Variants in GCSAML observed in about 807,000 individuals in gnomAD.
The protein encoded by GCSAML is germinal center associated signaling and motility like.
GCSAML carries 9 observed loss-of-function variants against 13.0 expected under a neutral mutation model. The observed-to-expected ratio is 0.69, with a 90% confidence interval of 0.42 to 1.21. GCSAML has a LOEUF of 1.21. GCSAML is among the 50% of genes most tolerant of loss of function. GCSAML has a pLI of 0.00. For missense variants in GCSAML, 143 were observed against 153.4 expected (o/e 0.93, Z 0.36); for synonymous variants, 37 against 52.9 (o/e 0.70, Z 1.31).
At chr1:247,521,343 ACG>A (rs1491175993) in intron 1 of GCSAML, among the ~76,000 whole-genome samples, 4 of 133,556 alleles carry the variant, frequency 3.0e-5, no homozygotes, top group African/African-American at 1.1e-4. Flanking sequence ...CTCCCTCTCC[ACG>A]GTCTCCCTCT....
At chr1:247,555,566 G>T (rs1305226397) in intron 1 of GCSAML, among the ~76,000 whole-genome samples, 1 of 152,160 alleles carries the variant, frequency 6.6e-6, no homozygotes, top group African/African-American at 2.4e-5. Flanking sequence ...TCTATTCAGG[G>T]AAGGCACTTT....
intron 1 of GCSAML, among the ~76,000 whole-genome samples, chr1:247,509,079 T>C (rs577106434): frequency 2.0e-5 from 3 of 152,274 alleles, no homozygotes; most frequent in South Asian, 2.1e-4. Flanking sequence ...ATTGAATTCT[T>C]TTATAAATTA....
rs767969538 is a variant in GCSAML, at chr1:247,531,605, G to A, written c.-148+4551G>A. On this transcript the variant is annotated intron_variant, in intron 2 of 5. Transcript: ENST00000366489. ...CAGCAGTTCTCTAATACCATGTGCC[G>A]GAGGGCGCTCTTCACCTCCGTGTTC... is the stretch of plus-strand genomic sequence containing the variant. 48 of 1,614,046 alleles carry A rather than the reference G, an allele frequency of 3.0e-5. No individual in the cohort carries two copies. The highest frequency in any genetic ancestry group is 1.6e-4 in the Middle Eastern group (1 of 6,084).
At chr1:247,565,773 A>C (rs1668326352) in intron 3 of GCSAML, 158 bp from the exon 4 acceptor site, 2 of 603,594 alleles carry the variant, frequency 3.3e-6, no homozygotes, top group Middle Eastern at 2.6e-4. Flanking sequence ...TTCAGTTATA[A>C]GATGGGGCAA....
At chr1:247,550,232 G>A (rs1180323922) in intron 1 of GCSAML, among the ~76,000 whole-genome samples, 1 of 152,206 alleles carries the variant, frequency 6.6e-6, no homozygotes, top group Non-Finnish European at 1.5e-5. Context: ...TGAGGCAGCA[G>A]ATTGGCTTCC....
intron 1 of GCSAML, among the ~76,000 whole-genome samples, chr1:247,517,071 G>T (rs113509531): frequency 4.6e-4 from 70 of 152,154 alleles, no homozygotes; most frequent in Non-Finnish European, 9.0e-4. Context: ...AGGCACAAAA[G>T]AACATTCCTT....
At chr1:247,532,741 G>T in intron 2 of GCSAML, 1 of 549,550 alleles carries the variant, frequency 1.8e-6, no homozygotes, top group South Asian at 2.2e-5. Flanking sequence ...GAGAATACAG[G>T]CACGTACTAC....
intron 1 of GCSAML, among the ~76,000 whole-genome samples, chr1:247,508,799 T>C (rs1156692344): frequency 6.6e-6 from 1 of 152,230 alleles, no homozygotes; most frequent in Non-Finnish European, 1.5e-5. Flanking sequence ...TTGTCAGGTT[T>C]GTCAAAGAAC....
chr1:247,540,839 C>T (rs985691977), intron 2 of GCSAML, among the ~76,000 whole-genome samples: 1 of 152,206 alleles, frequency 6.6e-6, no homozygotes, highest in Non-Finnish European at 1.5e-5. Context: ...CACTCCACTA[C>T]CAAATATTTG....
rs190194354 is a variant in GCSAML, at chr1:247,539,529, A to G, written c.-147-9516A>G. On this transcript the variant is annotated intron_variant, in intron 2 of 5. Coordinates refer to the GCSAML transcript ENST00000366489. ...GGTGGCAGTTTTATTTTTTTTTATT[A>G]TATATTGCTTAGCTACGTGACCTTT... Among the ~76,000 whole-genome samples the G allele has an allele frequency of 1.7e-4, 26 of 152,124 alleles. No homozygotes were observed. The East Asian group carries it at 4.8e-3, about 28-fold the overall frequency.
chr1:247,551,518 T>C (rs888814624), intron 1 of GCSAML, among the ~76,000 whole-genome samples: 1 of 152,144 alleles, frequency 6.6e-6, no homozygotes, highest in Admixed American at 6.5e-5. Flanking sequence ...TAGGAAGAAA[T>C]GTCTATGCTC....
At chr1:247,545,689 G>T (rs1667544584), upstream of GCSAML, among the ~76,000 whole-genome samples, 1 of 152,126 alleles carries the variant, frequency 6.6e-6, no homozygotes, top group Non-Finnish European at 1.5e-5. Context: ...TTGGAGAGGT[G>T]TCTATTCAGT....
At chr1:247,530,595 AT>A (rs1666892063) in intron 2 of GCSAML, 1 of 151,266 alleles carries the variant, frequency 6.6e-6, no homozygotes, top group Admixed American at 6.6e-5. Flanking sequence ...ACTACCTCTA[AT>A]TTTAACATGT....
intron 1 of GCSAML, among the ~76,000 whole-genome samples, chr1:247,520,744 A>G (rs1168845803): frequency 6.6e-6 from 1 of 152,224 alleles, no homozygotes; most frequent in East Asian, 1.9e-4. Flanking sequence ...TTCTTCAAGC[A>G]GGACAGTCTT....
At chr1:247,533,503 C>T (rs987266261) in intron 2 of GCSAML, 10 of 152,178 alleles carry the variant, frequency 6.6e-5, no homozygotes, top group Non-Finnish European at 1.5e-4. Flanking sequence ...ATTATCTGAC[C>T]TACCTTACTG....
chr1:247,564,052 G>A (rs1304984394), intron 3 of GCSAML, among the ~76,000 whole-genome samples: 1 of 151,850 alleles, frequency 6.6e-6, no homozygotes, highest in Non-Finnish European at 1.5e-5. Context: ...TCCTGCCTCA[G>A]CCTCCTGAGT....
chr1:247,511,882 A>G (rs1056177559), intron 1 of GCSAML, among the ~76,000 whole-genome samples: 61 of 152,244 alleles, frequency 4.0e-4, no homozygotes, highest in African/African-American at 1.4e-3. Context: ...GTCCGCTGTT[A>G]GTCTGATGGG....
At chr1:247,552,902 C>T (rs188520143) in intron 1 of GCSAML, among the ~76,000 whole-genome samples, 7 of 152,186 alleles carry the variant, frequency 4.6e-5, no homozygotes, top group Non-Finnish European at 8.8e-5. Flanking sequence ...ACTACAGGCA[C>T]GCACCACCAT....
chr1:247,548,287 T>G (rs756523851), upstream of GCSAML, among the ~76,000 whole-genome samples: 2 of 152,210 alleles, frequency 1.3e-5, no homozygotes, highest in Non-Finnish European at 2.9e-5. This position sits in a 1 kb window ranked among gnomAD's most constrained non-coding sequence, Gnocchi z 5.3. Flanking sequence ...GCTGATATTG[T>G]GGCCTCGAAA....
Sources: gnomAD v4.1 joint callset for allele counts (sites outside exome capture counted in the v4.1 genomes callset) on GRCh38, gnomAD v4.1.1 for gene constraint, Gnocchi (gnomAD v3.1) non-coding constraint, MANE v1.5 for transcripts, NCBI Gene and HGNC (gene_info 2026-07-23, HGNC 2026-07-21) for gene names.